PCDH7: variants seen among roughly 807,000 people sequenced by gnomAD.
PCDH7 encodes protocadherin-7.
PCDH7 carries 17 observed loss-of-function variants against 58.9 expected under a neutral mutation model. The observed-to-expected ratio is 0.29, with a 90% CI of 0.20 to 0.43. PCDH7 has a LOEUF of 0.43. Ranked by LOEUF, PCDH7 falls within the 20% of genes least tolerant of loss-of-function variation. The pLI, the probability that PCDH7 is intolerant of heterozygous loss-of-function variation, is 1.00. For synonymous variants in PCDH7, 664 were observed against 616.4 expected, an observed-to-expected ratio of 1.08 and a Z score of -1.14; for missense variants, 1,274 against 1,441.0, an observed-to-expected ratio of 0.88 and a Z score of 1.88.
At chr4:30,837,609 A>G (rs1438774045) in intron 1 of PCDH7, among the ~76,000 whole-genome samples, 1 of 151,986 alleles carries the variant, frequency 6.6e-6, no homozygotes, top group African/African-American at 2.4e-5. Context: ...GAGGATGGGC[A>G]TTGTCTGTTT....
chr4:30,882,199 C>A (rs1015170910), intron 1 of PCDH7, among the ~76,000 whole-genome samples: 1 of 150,694 alleles, frequency 6.6e-6, no homozygotes, highest in Non-Finnish European at 1.5e-5. Flanking sequence ...CCTCCCCTTC[C>A]TCCTCCTCTT....
At chr4:30,825,765 T>C (rs1290846213) in intron 1 of PCDH7, among the ~76,000 whole-genome samples, 1 of 133,600 alleles carries the variant, frequency 7.5e-6, no homozygotes, top group African/African-American at 2.9e-5. Flanking sequence ...AAGGTATTAA[T>C]GTACTTTTGT....
At chr4:31,137,628 ACTT>A (rs1464275545) in intron 3 of PCDH7, among the ~76,000 whole-genome samples, 3 of 152,090 alleles carry the variant, frequency 2.0e-5, no homozygotes, top group Non-Finnish European at 4.4e-5. Flanking sequence ...AGAAGAAAAT[ACTT>A]CTTATTTTTT....
At chr4:30,965,234 C>A (rs544504497) in intron 3 of PCDH7, among the ~76,000 whole-genome samples, 21 of 152,110 alleles carry the variant, frequency 1.4e-4, no homozygotes, top group African/African-American at 2.6e-4. Context: ...ATGTTTTCTT[C>A]TATGTAAATT....
At chr4:30,816,316 G>C (rs1242731495) in intron 1 of PCDH7, among the ~76,000 whole-genome samples, 2 of 152,022 alleles carry the variant, frequency 1.3e-5, no homozygotes, top group African/African-American at 4.8e-5. Flanking sequence ...TAAATTTTCA[G>C]TTCTAAAATC....
intron 3 of PCDH7, among the ~76,000 whole-genome samples, chr4:31,075,533 A>G (rs1205897368): frequency 1.3e-5 from 2 of 152,194 alleles, no homozygotes; most frequent in Non-Finnish European, 2.9e-5. Flanking sequence ...AGATATGTAT[A>G]CTTGTTAAAA....
At chr4:30,758,217 C>T (rs1719561208) in intron 1 of PCDH7, among the ~76,000 whole-genome samples, 1 of 152,022 alleles carries the variant, frequency 6.6e-6, no homozygotes, top group African/African-American at 2.4e-5. Context: ...AGCATCTCAC[C>T]ACACAGAGAG....
At chr4:31,090,236 TTA>T (rs1713056882) in intron 3 of PCDH7, among the ~76,000 whole-genome samples, 2 of 151,902 alleles carry the variant, frequency 1.3e-5, no homozygotes, top group South Asian at 2.1e-4. Flanking sequence ...CTGAAAGACT[TTA>T]TGAAAAAAAA....
rs773857791 is a variant in PCDH7 at position 31,142,569 on chromosome 4, C to G, written c.*104C>G. On this transcript the variant is annotated 3_prime_UTR_variant, in exon 4 of 4. Transcript: ENST00000509759. ...GACTCCTGCTGGATGCCGGTCCGCA[C>G]TTCTCCGGAGAGGAAGAAGAGCCAG... 2.2e-6 allele frequency: 3 copies of G among 1,367,766 alleles called. No individual in the cohort carries two copies. In the East Asian group the frequency reaches 1.4e-4, roughly 62 times the overall value. 84.7% of individuals were successfully genotyped at this position (1,367,766 alleles called of 1,614,324 possible).
intron 1 of PCDH7, among the ~76,000 whole-genome samples, chr4:30,798,161 C>A (rs1399397722): frequency 6.6e-6 from 1 of 152,138 alleles, no homozygotes; most frequent in East Asian, 1.9e-4. Flanking sequence ...ATCAACATAC[C>A]TAAGACGTTG....
chr4:30,722,663 C>A lies in PCDH7; in HGVS notation c.1241C>A (p.Ser414Tyr), dbSNP rs770731962. 1 of 1,613,574 alleles carries A rather than the reference C, an allele frequency of 6.2e-7. No homozygotes were observed. Among genetic ancestry groups the A allele is most frequent in the South Asian group, 1.1e-5 (1 of 91,078 alleles). The change falls in exon 1 of 2, where the codon TCC becomes TAC. Residue 414 changes from serine (S) to tyrosine (Y), a missense_variant. Coordinates refer to ENST00000361762, the Ensembl canonical transcript of PCDH7. This position sits in a 1 kb window ranked among gnomAD's most constrained non-coding sequence, Gnocchi z 7.6. Reference sequence around the variant, plus strand: ...AAAGACGAGAACGACAACGTGCCGTCCATTGAAATCCGCAAGATTGGGCGC... The same window carrying A: ...AAAGACGAGAACGACAACGTGCCGTACATTGAAATCCGCAAGATTGGGCGC...
At chr4:30,893,082 A>G (rs1049744919) in intron 1 of PCDH7, among the ~76,000 whole-genome samples, 4 of 151,924 alleles carry the variant, frequency 2.6e-5, no homozygotes, top group Non-Finnish European at 5.9e-5. Flanking sequence ...TTGTAGGGTC[A>G]TTTTTCTGAA....
At chr4:30,756,235 T>C (rs1031808049) in intron 1 of PCDH7, among the ~76,000 whole-genome samples, 8 of 152,064 alleles carry the variant, frequency 5.3e-5, no homozygotes, top group Admixed American at 3.9e-4. Flanking sequence ...TTTGGGAGTG[T>C]AAGAACTCAC....
intron 3 of PCDH7, among the ~76,000 whole-genome samples, chr4:30,954,219 G>C (rs544708817): frequency 1.3e-5 from 2 of 152,148 alleles, no homozygotes; most frequent in African/African-American, 4.8e-5. Flanking sequence ...TCCAGAACTA[G>C]GAAATTTAAT....
chr4:31,066,158 G>A (rs1049861591), intron 3 of PCDH7, among the ~76,000 whole-genome samples: 1 of 151,750 alleles, frequency 6.6e-6, no homozygotes, highest in South Asian at 2.1e-4. Context: ...ACACTCTGTG[G>A]CATTGGTAAT....
At chr4:31,016,391 CAG>C (rs1246925106) in intron 3 of PCDH7, among the ~76,000 whole-genome samples, 2 of 147,106 alleles carry the variant, frequency 1.4e-5, no homozygotes, top group Non-Finnish European at 3.0e-5. Context: ...CTGAAAAAGA[CAG>C]ATCTTTTTTT....
intron 2 of PCDH7, among the ~76,000 whole-genome samples, chr4:30,936,632 T>A (rs79111485): frequency 1.2e-5 from 1 of 82,538 alleles, no homozygotes; most frequent in African/African-American, 5.6e-5. Context: ...CCACAATGCA[T>A]TTTTTTTTTG....
intron 3 of PCDH7, among the ~76,000 whole-genome samples, chr4:31,067,718 G>A (rs2036246): frequency 0.21 from 31,872 of 151,818 alleles, 3,562 homozygotes; most frequent in Middle Eastern, 0.33. Context: ...ATTTATGAGC[G>A]CATAGCCCCT....
chr4:30,883,869 T>G (rs1737325719), intron 1 of PCDH7, among the ~76,000 whole-genome samples: 1 of 152,198 alleles, frequency 6.6e-6, no homozygotes, highest in Non-Finnish European at 1.5e-5. Flanking sequence ...TTTTTCTGAC[T>G]GTGATGTGGG....
Sources: gnomAD v4.1 joint callset for allele counts (sites outside exome capture counted in the v4.1 genomes callset) on GRCh38, gnomAD v4.1.1 for gene constraint, Gnocchi (gnomAD v3.1) non-coding constraint, MANE v1.5 for transcripts, NCBI Gene and HGNC (gene_info 2026-07-23, HGNC 2026-07-21) for gene names.